GRIA4: variants seen among roughly 807,000 people sequenced by gnomAD.
GRIA4 encodes glutamate receptor 4.
In GRIA4, 34 loss-of-function variants were observed where a neutral mutation model predicts 104.0. The observed-to-expected ratio is 0.33, with a 90% CI of 0.25 to 0.44. The LOEUF (loss-of-function observed/expected upper bound fraction) is 0.44, where lower values mean the gene tolerates loss of function less well. Among genes scored for constraint, GRIA4 ranks in the 20% least tolerant of loss-of-function variants. The probability of loss-of-function intolerance (pLI) is 1.00; values close to 1 mark genes in which losing one functional copy is unlikely to be tolerated. For missense variants in GRIA4, 750 were observed against 1,096.5 expected, an observed-to-expected ratio of 0.68 and a Z score of 4.46; for synonymous variants, 386 against 381.9, an observed-to-expected ratio of 1.01 and a Z score of -0.13.
intron 3 of GRIA4, among the ~76,000 whole-genome samples, chr11:105,700,714 T>C (rs936139352): frequency 2.0e-5 from 3 of 152,162 alleles, no homozygotes; most frequent in Non-Finnish European, 4.4e-5. Context: ...CAGGTCTACT[T>C]TGAAACTCCT....
chr11:105,776,472 C>A (rs1941456029), intron 4 of GRIA4, among the ~76,000 whole-genome samples: 1 of 152,048 alleles, frequency 6.6e-6, no homozygotes, highest in Admixed American at 6.6e-5. Context: ...AGATAGTAAA[C>A]AGAGAGATTG....
At chr11:105,952,968 T>C (rs1948492509) in intron 14 of GRIA4, among the ~76,000 whole-genome samples, 1 of 152,224 alleles carries the variant, frequency 6.6e-6, no homozygotes, top group African/African-American at 2.4e-5. Flanking sequence ...TGCATATATA[T>C]GTAGAGCAAT....
At chr11:105,813,093 CAAAAAA>C (rs58984237) in intron 4 of GRIA4, among the ~76,000 whole-genome samples, 10 of 80,446 alleles carry the variant, frequency 1.2e-4, no homozygotes, top group East Asian at 7.5e-4. Context: ...GACTCCATCT[CAAAAAA>C]AAAAAAAAAA....
chr11:105,739,909 A>G (rs1175992884), intron 3 of GRIA4, among the ~76,000 whole-genome samples: 1 of 152,222 alleles, frequency 6.6e-6, no homozygotes, highest in African/African-American at 2.4e-5. Context: ...TATAGAATGA[A>G]AAACAAATAT....
intron 4 of GRIA4, among the ~76,000 whole-genome samples, chr11:105,771,737 A>G (rs1462131513): frequency 6.6e-6 from 1 of 152,086 alleles, no homozygotes; most frequent in Non-Finnish European, 1.5e-5. Flanking sequence ...CATTACATGT[A>G]AATTTTTTAA....
chr11:105,749,472 GGAAGAAA>G (rs1169494021), intron 3 of GRIA4, among the ~76,000 whole-genome samples: 2 of 152,132 alleles, frequency 1.3e-5, no homozygotes, highest in African/African-American at 2.4e-5. Flanking sequence ...GGCCATAGAT[GGAAGAAA>G]GAACAGTGCT....
At chr11:105,639,472 T>A in intron 3 of GRIA4, among the ~76,000 whole-genome samples, 1 of 151,972 alleles carries the variant, frequency 6.6e-6, no homozygotes, top group Non-Finnish European at 1.5e-5. Flanking sequence ...TTCTCGTATG[T>A]CACAGTATTT....
intron 3 of GRIA4, among the ~76,000 whole-genome samples, chr11:105,662,192 C>T (rs1268606455): frequency 6.6e-6 from 1 of 151,838 alleles, no homozygotes; most frequent in East Asian, 1.9e-4. Flanking sequence ...AAAAATTTGG[C>T]AATTGAATAT....
intron 4 of GRIA4, among the ~76,000 whole-genome samples, chr11:105,812,951 A>T (rs1013557665): frequency 6.6e-6 from 1 of 151,962 alleles, no homozygotes; most frequent in Admixed American, 6.6e-5. Context: ...AATACAAAAA[A>T]TTAGCTGGGC....
intron 14 of GRIA4, among the ~76,000 whole-genome samples, chr11:105,944,070 C>T (rs747468523): frequency 2.6e-5 from 4 of 152,012 alleles, no homozygotes; most frequent in African/African-American, 4.8e-5. Context: ...AACTTTACAA[C>T]GATTAAAGTT....
At chr11:105,804,704 G>T (rs916191597) in intron 4 of GRIA4, among the ~76,000 whole-genome samples, 1 of 151,940 alleles carries the variant, frequency 6.6e-6, no homozygotes, top group African/African-American at 2.4e-5. Context: ...TGAGAGCATG[G>T]TGGTAGCTGT....
intron 3 of GRIA4, among the ~76,000 whole-genome samples, chr11:105,669,396 ATAT>A (rs1259375802): frequency 2.0e-5 from 3 of 151,908 alleles, no homozygotes; most frequent in African/African-American, 7.2e-5. Flanking sequence ...TGTCATATAT[ATAT>A]TATATCTTTT....
chr11:105,848,705 G>C (rs939025144), intron 4 of GRIA4, among the ~76,000 whole-genome samples: 2 of 152,154 alleles, frequency 1.3e-5, no homozygotes, highest in Admixed American at 6.5e-5. Context: ...CTTTTAAAAG[G>C]TGTGGGCAAG....
chr11:105,699,902 G>A (rs1953423129), intron 3 of GRIA4, among the ~76,000 whole-genome samples: 1 of 151,984 alleles, frequency 6.6e-6, no homozygotes, highest in South Asian at 2.1e-4. Context: ...ATACTTACTT[G>A]TTTATCACCT....
At position 105,670,624 on chromosome 11, in the gene GRIA4, T is replaced by G. The variant is rs1244671382; in HGVS notation, c.247+58190T>G. ...GGTATATTGCATGCATAAGTGTATT[T>G]ATTGTAAATTTCTCACATCCTTAGC... is the stretch of plus-strand genomic sequence containing the variant. On this transcript the variant is annotated intron_variant, in intron 3 of 16. Coordinates refer to ENST00000282499, the MANE Select transcript of GRIA4 (RefSeq NM_000829.4). Among the ~76,000 whole-genome samples the G allele has an allele frequency of 2.0e-5, 3 of 152,180 alleles. No individual in the cohort carries two copies. In the East Asian group the frequency reaches 5.8e-4, roughly 29 times the overall value.
intron 3 of GRIA4, among the ~76,000 whole-genome samples, chr11:105,737,418 G>C (rs983373458): frequency 1.3e-5 from 2 of 151,952 alleles, no homozygotes; most frequent in Admixed American, 6.6e-5. Context: ...ATCTAGCCAT[G>C]GTTAGCTGTA....
chr11:105,962,006 T>C (rs1174478867), intron 14 of GRIA4, among the ~76,000 whole-genome samples: 1 of 152,218 alleles, frequency 6.6e-6, no homozygotes. Flanking sequence ...TGACTAAATC[T>C]AAGAAGCTGT....
At chr11:105,747,919 A>T (rs1216338124) in intron 3 of GRIA4, among the ~76,000 whole-genome samples, 1 of 152,238 alleles carries the variant, frequency 6.6e-6, no homozygotes, top group Non-Finnish European at 1.5e-5. Context: ...AAACTTCGAC[A>T]CATACTTCAA....
At chr11:105,678,692 G>A (rs1189607743) in intron 3 of GRIA4, among the ~76,000 whole-genome samples, 1 of 152,004 alleles carries the variant, frequency 6.6e-6, no homozygotes, top group Non-Finnish European at 1.5e-5. Flanking sequence ...CATTGAAATT[G>A]CCATTCAGTT....
Sources: allele counts gnomAD v4.1 joint callset (sites outside exome capture counted in the v4.1 genomes callset), GRCh38; gene constraint gnomAD v4.1.1; transcripts MANE v1.5; gene names NCBI Gene and HGNC (gene_info 2026-07-23, HGNC 2026-07-21).